Variants in VPS13C observed in about 807,000 individuals in gnomAD.
VPS13C encodes the protein intermembrane lipid transfer protein VPS13C.
A neutral mutation model predicts 456.8 loss-of-function variants in VPS13C; 358 were observed. That is an observed-to-expected ratio of 0.78 (90% CI 0.72 to 0.86). The LOEUF is 0.86. VPS13C is among the 40% of genes least tolerant of loss of function. The pLI, the probability that VPS13C is intolerant of heterozygous loss-of-function variation, is 0.00. For missense variants in VPS13C, 4,818 were observed against 4,385.4 expected (o/e 1.10, Z -2.79); for synonymous variants, 1,578 against 1,486.7 (o/e 1.06, Z -1.41).
chr15:62,054,885 CAAT>C (rs1555454081), intron 1 of VPS13C, among the ~76,000 whole-genome samples: 2 of 152,134 alleles, frequency 1.3e-5, no homozygotes, highest in Non-Finnish European at 1.5e-5. Context: ...ATATTATCAA[CAAT>C]GACAAAGGTT....
At position 62,007,501 on chromosome 15, in the gene VPS13C, C is replaced by T. The variant is rs577198911; in HGVS notation, c.1119-22G>A. On this transcript the variant is annotated intron_variant, in intron 14 of 84. Transcript: ENST00000644861. ...CCACCTGAAAATCAAATTTTGTTAA[C>T]GTAAATGTTAATATAAAGGTTTAAG... is the stretch of plus-strand genomic sequence containing the variant. 1.6e-4 allele frequency: 248 copies of T among 1,535,106 alleles called. 1 individual carries two copies. In the South Asian group the frequency reaches 2.9e-3, roughly 18 times the overall value.
chr15:61,929,351 A>G (rs1224447239), intron 51 of VPS13C, 150 bp downstream of exon 51: 3 of 1,178,198 alleles, frequency 2.5e-6, no homozygotes, highest in Non-Finnish European at 2.3e-6. Context: ...AATGTTTTAA[A>G]AAACTAAAAA....
intron 66 of VPS13C, among the ~76,000 whole-genome samples, chr15:61,900,358 A>G (rs112836468): frequency 0.018 from 2,792 of 152,304 alleles, 42 homozygotes; most frequent in Non-Finnish European, 0.026. Flanking sequence ...GTATATTTAG[A>G]AAACCCCACC....
chr15:62,055,647 T>G (rs538819318), intron 1 of VPS13C, among the ~76,000 whole-genome samples: 1 of 152,122 alleles, frequency 6.6e-6, no homozygotes. Context: ...AATATTTCGA[T>G]CTTAAAACTA....
chr15:61,882,430 A>G (rs112749136), intron 69 of VPS13C, among the ~76,000 whole-genome samples, 166 bp downstream of exon 69: 35 of 152,326 alleles, frequency 2.3e-4, no homozygotes, highest in African/African-American at 8.2e-4. Context: ...CACGAAGTTT[A>G]TAAGTAAGAT....
chr15:61,998,421 C>T (rs925145590), intron 16 of VPS13C, among the ~76,000 whole-genome samples: 23 of 152,064 alleles, frequency 1.5e-4, no homozygotes, highest in Admixed American at 3.9e-4. Flanking sequence ...TAGGCTAATG[C>T]AAATGATAAT....
chr15:61,894,226 T>G (rs2042735882), intron 66 of VPS13C, among the ~76,000 whole-genome samples: 1 of 151,828 alleles, frequency 6.6e-6, no homozygotes, highest in African/African-American at 2.4e-5. Context: ...GGGAATTGCT[T>G]GAACCAAGGA....
intron 66 of VPS13C, among the ~76,000 whole-genome samples, chr15:61,890,801 C>T (rs531318146): frequency 6.6e-6 from 1 of 152,144 alleles, no homozygotes; most frequent in Non-Finnish European, 1.5e-5. Context: ...AATCCCAGCA[C>T]TTTTGGAGGC....
chr15:61,925,114 A>G (rs999015547), intron 53 of VPS13C, among the ~76,000 whole-genome samples: 2 of 152,174 alleles, frequency 1.3e-5, no homozygotes, highest in Non-Finnish European at 1.5e-5. Flanking sequence ...CAAATAAAGT[A>G]ATAACAACCT....
intron 64 of VPS13C, among the ~76,000 whole-genome samples, chr15:61,909,492 C>T (rs2140141468): frequency 6.6e-6 from 1 of 152,340 alleles, no homozygotes; most frequent in Non-Finnish European, 1.5e-5. Context: ...CAGGCGTGAG[C>T]CTCTGCACCC....
chr15:62,021,286 T>C (rs995506867), intron 8 of VPS13C, among the ~76,000 whole-genome samples: 3 of 151,858 alleles, frequency 2.0e-5, no homozygotes, highest in Non-Finnish European at 2.9e-5. Context: ...ACTCCTTAAA[T>C]TTACACATTT....
intron 47 of VPS13C, among the ~76,000 whole-genome samples, chr15:61,940,390 A>C (rs983393862): frequency 2.6e-5 from 4 of 152,240 alleles, no homozygotes; most frequent in South Asian, 2.1e-4. Context: ...AAGTGAGGGA[A>C]ACAAGGATGA....
chr15:61,941,313 A>C (rs915390661), intron 46 of VPS13C, among the ~76,000 whole-genome samples: 5 of 152,164 alleles, frequency 3.3e-5, no homozygotes, highest in African/African-American at 1.2e-4. Flanking sequence ...CACTCAATAG[A>C]GCCAACACTG....
At position 61,984,005 on chromosome 15, in the gene VPS13C, C is replaced by G. The variant is rs757147255; in HGVS notation, c.1729G>C (p.Ala577Pro). The G allele has an allele frequency of 1.2e-6, 2 of 1,612,746 alleles. No individual in the cohort carries two copies. The highest frequency in any genetic ancestry group is 1.7e-6 in the Non-Finnish European group (2 of 1,179,448). ...RPGAQALKVE[A>P]KLEHWYITGL... ...GTTATATACCAGTGTTCTAATTTCGCTTCTACCCTATAATCCAATGAAGAA... is the reference window on the plus strand; with the variant it reads ...GTTATATACCAGTGTTCTAATTTCGGTTCTACCCTATAATCCAATGAAGAA... Residue 577 changes from alanine (A) to proline (P), a missense_variant, in exon 20 of 85, where the codon GCG (alanine) becomes CCG (proline). Physicochemically the swap from Ala to Pro is conservative, Grantham distance 27 (BLOSUM62 -1). Transcript: ENST00000644861.
chr15:62,059,358 C>A (rs534342900), intron 1 of VPS13C, among the ~76,000 whole-genome samples: 1 of 152,154 alleles, frequency 6.6e-6, no homozygotes, highest in African/African-American at 2.4e-5. Flanking sequence ...ACATTTGAGT[C>A]GTTTTTTGAA....
chr15:61,891,734 T>C (rs969988318), intron 66 of VPS13C, among the ~76,000 whole-genome samples: 3 of 152,216 alleles, frequency 2.0e-5, no homozygotes, highest in Non-Finnish European at 4.4e-5. Flanking sequence ...ATTTAATAAT[T>C]TTGCTTTGAA....
At position 61,984,853 on chromosome 15, in the gene VPS13C, T is replaced by G. The variant is rs368387231; in HGVS notation, c.1721+4A>C. 13 of 1,611,888 alleles carry G rather than the reference T, an allele frequency of 8.1e-6. No individual in the cohort carries two copies. In the African/African-American group the frequency reaches 1.2e-4, roughly 15 times the overall value. On this transcript the variant is annotated splice_donor_region_variant and intron_variant, in intron 19 of 84. Coordinates refer to ENST00000644861, the MANE Select transcript of VPS13C (RefSeq NM_020821.3). ...AAAATTGAAATAAGTTTTTAAAAAC[T>G]TACTTAAGTGCTTGTGCTCCTGGTC...
intron 9 of VPS13C, among the ~76,000 whole-genome samples, chr15:62,015,874 G>GTA (rs1194676224): frequency 8.1e-4 from 103 of 127,196 alleles, no homozygotes; most frequent in African/African-American, 2.8e-3. Context: ...CATGGCACAT[G>GTA]TATACATATG....
intron 68 of VPS13C, among the ~76,000 whole-genome samples, chr15:61,883,268 C>T (rs1896012293): frequency 6.6e-6 from 1 of 151,484 alleles, no homozygotes; most frequent in African/African-American, 2.4e-5. Flanking sequence ...AACTCCTGAC[C>T]TCAAGTGATC....
Sources: allele counts gnomAD v4.1 joint callset (sites outside exome capture counted in the v4.1 genomes callset), GRCh38; gene constraint gnomAD v4.1.1; transcripts MANE v1.5; gene names NCBI Gene and HGNC (gene_info 2026-07-23, HGNC 2026-07-21).